The following CACNA2D3 variants were observed in gnomAD, a reference collection of about 807,000 sequenced individuals.
CACNA2D3 encodes the protein calcium voltage-gated channel auxiliary subunit alpha2delta 3, also known as voltage-dependent calcium channel subunit alpha-2/delta-3.
Under a neutral mutation model 160.6 loss-of-function variants are expected in CACNA2D3, and 60 were observed. That is an observed-to-expected ratio of 0.37 (90% confidence interval 0.30 to 0.46). CACNA2D3 has a LOEUF of 0.46. CACNA2D3 is among the 20% of genes least tolerant of loss of function. CACNA2D3 has a pLI of 1.00. For missense variants in CACNA2D3, 1,205 were observed against 1,365.0 expected, an observed-to-expected ratio of 0.88 and a Z score of 1.85; for synonymous variants, 558 against 492.9, an observed-to-expected ratio of 1.13 and a Z score of -1.75.
At chr3:54,878,158 T>C (rs1699708328) in intron 18 of CACNA2D3, among the ~76,000 whole-genome samples, 1 of 152,070 alleles carries the variant, frequency 6.6e-6, no homozygotes, top group African/African-American at 2.4e-5. Context: ...GGCCAGATCT[T>C]ACTCAAGCTC....
intron 31 of CACNA2D3, among the ~76,000 whole-genome samples, chr3:55,001,771 A>T (rs1010276793): frequency 6.6e-6 from 1 of 152,244 alleles, no homozygotes; most frequent in Admixed American, 6.5e-5. Context: ...GTGTACTTCT[A>T]CACAGCTGGT....
At chr3:54,505,879 T>G (rs996988821) in intron 5 of CACNA2D3, among the ~76,000 whole-genome samples, 5 of 152,190 alleles carry the variant, frequency 3.3e-5, no homozygotes, top group African/African-American at 1.2e-4. Context: ...TATAGAATCA[T>G]GCTTGTAATG....
At chr3:54,504,512 G>C (rs543184034) in intron 5 of CACNA2D3, among the ~76,000 whole-genome samples, 22 of 152,170 alleles carry the variant, frequency 1.4e-4, no homozygotes, top group Non-Finnish European at 2.8e-4. Context: ...AAGGGTTTAA[G>C]TTGTTTTCAG....
chr3:54,684,882 C>G (rs148330867), intron 11 of CACNA2D3, among the ~76,000 whole-genome samples: 17 of 152,242 alleles, frequency 1.1e-4, no homozygotes, highest in Non-Finnish European at 2.1e-4. Flanking sequence ...AGAGGAGGGT[C>G]TACAAAGTCG....
At chr3:54,184,381 C>G (rs28458274) in intron 2 of CACNA2D3, among the ~76,000 whole-genome samples, 46,414 of 152,128 alleles carry the variant, frequency 0.31, 7,173 homozygotes, top group East Asian at 0.39. Context: ...TAAGCCCTCC[C>G]CCATCCTCCC....
At chr3:54,322,011 G>T (rs6445647) in intron 3 of CACNA2D3, among the ~76,000 whole-genome samples, 31,955 of 151,096 alleles carry the variant, frequency 0.21, 3,586 homozygotes, top group Middle Eastern at 0.29. Flanking sequence ...GTGAATCACA[G>T]AATTTTAGAG....
intron 13 of CACNA2D3, among the ~76,000 whole-genome samples, chr3:54,775,022 A>C (rs1042041777): frequency 4.6e-5 from 7 of 152,186 alleles, no homozygotes; most frequent in Non-Finnish European, 1.5e-5. Flanking sequence ...GGTATCTAAC[A>C]TAATGTTGTT....
At chr3:54,654,472 A>G (rs766486426) in intron 11 of CACNA2D3, among the ~76,000 whole-genome samples, 25 of 152,136 alleles carry the variant, frequency 1.6e-4, no homozygotes, top group Admixed American at 1.2e-3. Flanking sequence ...TATTGATGAG[A>G]TGAAAGGACA....
At chr3:54,579,247 A>T (rs994233447) in intron 8 of CACNA2D3, among the ~76,000 whole-genome samples, 2 of 152,328 alleles carry the variant, frequency 1.3e-5, no homozygotes, top group Middle Eastern at 3.4e-3. Flanking sequence ...GGCATCTGAT[A>T]ATGTCATGTA....
At chr3:54,837,257 T>C (rs370354091) in intron 15 of CACNA2D3, 27 bp downstream of exon 15, 1 of 1,604,514 alleles carries the variant, frequency 6.2e-7, no homozygotes, top group Non-Finnish European at 8.5e-7. Flanking sequence ...AGCTTCCTGC[T>C]TGATGCTAGG....
In CACNA2D3 at chr3:54,218,893, T is replaced by C. The variant is rs1192901107; in HGVS notation, c.204+95299T>C. 8.5e-5 allele frequency among the ~76,000 whole-genome samples: 13 copies of C among 152,176 alleles called. 1 individual carries two copies. On this transcript the variant is annotated intron_variant, in intron 2 of 37. Coordinates refer to ENST00000474759, the MANE Select transcript of CACNA2D3 (RefSeq NM_018398.3). ...TTCACTGTCATCTCCCTCTCTCTTA[T>C]AAGGACCTTGTGACTACACTGAGTC... is the stretch of plus-strand genomic sequence containing the variant.
At chr3:54,336,004 C>CAAAAAAAA (rs60465412) in intron 3 of CACNA2D3, among the ~76,000 whole-genome samples, 7 of 74,548 alleles carry the variant, frequency 9.4e-5, no homozygotes, top group African/African-American at 3.0e-4. Flanking sequence ...GACTCCGTCT[C>CAAAAAAAA]AAAAAAAAAA....
chr3:54,871,665 T>C (rs563962519), intron 18 of CACNA2D3, 43 bp downstream of exon 18: 4 of 1,455,152 alleles, frequency 2.7e-6, no homozygotes, highest in East Asian at 4.5e-5. Context: ...GGACCTGCAT[T>C]GTACCCACTT....
intron 35 of CACNA2D3, among the ~76,000 whole-genome samples, chr3:55,052,195 G>A (rs1437648585): frequency 6.6e-6 from 1 of 152,084 alleles, no homozygotes; most frequent in Non-Finnish European, 1.5e-5. Context: ...TGACCTTGAG[G>A]TTATTTAAAG....
intron 2 of CACNA2D3, among the ~76,000 whole-genome samples, chr3:54,138,262 A>C (rs1293756607): frequency 6.6e-6 from 1 of 152,218 alleles, no homozygotes; most frequent in Non-Finnish European, 1.5e-5. Flanking sequence ...GTTGGTTCCA[A>C]GTGTTAGCAC....
chr3:55,055,252 G>T (rs893127919), intron 35 of CACNA2D3, among the ~76,000 whole-genome samples: 1 of 151,984 alleles, frequency 6.6e-6, no homozygotes, highest in East Asian at 1.9e-4. Context: ...GTGCGATAAG[G>T]TCCAGTTTCA....
intron 2 of CACNA2D3, among the ~76,000 whole-genome samples, chr3:54,167,281 G>T (rs1325597882): frequency 1.3e-5 from 2 of 152,192 alleles, no homozygotes; most frequent in African/African-American, 4.8e-5. Flanking sequence ...TCTCAGTCAA[G>T]CCATGTTCAA....
chr3:54,464,114 C>G (rs1401085924), intron 4 of CACNA2D3, among the ~76,000 whole-genome samples: 1 of 152,184 alleles, frequency 6.6e-6, no homozygotes, highest in Non-Finnish European at 1.5e-5. Flanking sequence ...ATGCTGCTGT[C>G]TGATCGTTCC....
At chr3:54,420,106 A>C (rs1699815042) in intron 4 of CACNA2D3, among the ~76,000 whole-genome samples, 1 of 151,430 alleles carries the variant, frequency 6.6e-6, no homozygotes, top group Non-Finnish European at 1.5e-5. Flanking sequence ...TTGTTTTCAG[A>C]TGGAGTCTCG....
Sources: allele counts gnomAD v4.1 joint callset (sites outside exome capture counted in the v4.1 genomes callset), GRCh38; gene constraint gnomAD v4.1.1; transcripts MANE v1.5; gene names NCBI Gene and HGNC (gene_info 2026-07-23, HGNC 2026-07-21).